Variants in MLLT3 observed in about 807,000 individuals in gnomAD.
MLLT3 encodes the protein MLLT3 super elongation complex subunit.
MLLT3 carries 4 observed loss-of-function variants against 53.2 expected under a neutral mutation model. That is an observed-to-expected ratio of 0.08 (90% CI 0.04 to 0.17). The LOEUF is 0.17. Among genes scored for constraint, MLLT3 ranks in the 10% least tolerant of loss-of-function variants. The pLI is 1.00. For synonymous variants in MLLT3, 283 were observed against 230.6 expected (o/e 1.23, Z -2.06); for missense variants, 569 against 684.0 (o/e 0.83, Z 1.87).
intron 2 of MLLT3, among the ~76,000 whole-genome samples, chr9:20,482,067 A>G (rs1563779555): frequency 6.6e-6 from 1 of 152,166 alleles, no homozygotes; most frequent in African/African-American, 2.4e-5. Context: ...TTATCTCCCA[A>G]TCTAAGAAAG....
intron 5 of MLLT3, among the ~76,000 whole-genome samples, chr9:20,402,834 G>A (rs932849892): frequency 6.6e-6 from 1 of 152,144 alleles, no homozygotes; most frequent in Non-Finnish European, 1.5e-5. Flanking sequence ...AAGCACTGCA[G>A]GTGGAATTCA....
intron 2 of MLLT3, among the ~76,000 whole-genome samples, chr9:20,464,829 C>T (rs1472526088): frequency 6.6e-6 from 1 of 152,078 alleles, no homozygotes; most frequent in Admixed American, 6.6e-5. Flanking sequence ...GCCATTTCTT[C>T]CTTCCTAAAC....
chr9:20,345,830 T>C lies in MLLT3; in HGVS notation c.*613A>G, dbSNP rs1480019728. The C allele has an allele frequency of 4.5e-6, 1 of 224,460 alleles. No individual in the cohort carries two copies. The highest frequency in any genetic ancestry group is 8.9e-6 in the Non-Finnish European group (1 of 112,182). The allele number at this position is 224,460 out of a possible 1,614,324, so 13.9% of individuals were successfully genotyped here. ...CAGTTGATAATCTGTGTCCTGGAACTGGAAAAACAAAAGGTGGAAAATACA... is the reference window on the plus strand; with the variant it reads ...CAGTTGATAATCTGTGTCCTGGAACCGGAAAAACAAAAGGTGGAAAATACA... On this transcript the variant is annotated 3_prime_UTR_variant, in exon 11 of 11. Transcript: ENST00000380338.
At chr9:20,610,362 T>G (rs1461803696) in intron 2 of MLLT3, among the ~76,000 whole-genome samples, 2 of 152,166 alleles carry the variant, frequency 1.3e-5, no homozygotes, top group Non-Finnish European at 2.9e-5. Flanking sequence ...AAAATTCATT[T>G]TTGCCTATTA....
intron 2 of MLLT3, among the ~76,000 whole-genome samples, chr9:20,509,875 T>A (rs535209146): frequency 2.1e-4 from 32 of 152,174 alleles, no homozygotes; most frequent in Admixed American, 3.3e-4. Flanking sequence ...AATTATTATT[T>A]TTTTTTTTTT....
chr9:20,607,365 C>T (rs1196135721), intron 2 of MLLT3, among the ~76,000 whole-genome samples: 1 of 152,058 alleles, frequency 6.6e-6, no homozygotes, highest in Non-Finnish European at 1.5e-5. Flanking sequence ...GTATATTTTC[C>T]TCATTCTTGT....
Position 20,620,859 on chromosome 9 carries a change from G to A in MLLT3, c.13-25C>T, listed in dbSNP as rs757992750. ...ACTGCGGGCAGGGGGAGGAGAGACA[G>A]CCGTGAATAACAGGAAGGCGAGGTT... On this transcript the variant is annotated intron_variant, in intron 1 of 10. Coordinates refer to ENST00000380338, the MANE Select transcript of MLLT3 (RefSeq NM_004529.4). This position sits in a 1 kb window ranked among gnomAD's most constrained non-coding sequence, Gnocchi z 6.1. The A allele has an allele frequency of 9.9e-6, 16 of 1,613,360 alleles. No homozygotes were observed. The South Asian group carries it at 1.3e-4, about 13-fold the overall frequency.
intron 2 of MLLT3, among the ~76,000 whole-genome samples, chr9:20,469,061 A>G (rs947376862): frequency 6.6e-6 from 1 of 152,226 alleles, no homozygotes; most frequent in African/African-American, 2.4e-5. Flanking sequence ...AATATAAAGG[A>G]ATACTAAATA....
At chr9:20,473,827 A>G (rs1369995580) in intron 2 of MLLT3, among the ~76,000 whole-genome samples, 1 of 152,162 alleles carries the variant, frequency 6.6e-6, no homozygotes, top group Non-Finnish European at 1.5e-5. Flanking sequence ...TGGCTCATAT[A>G]CAACAATGAA....
intron 8 of MLLT3, among the ~76,000 whole-genome samples, chr9:20,358,841 G>C (rs1383874184): frequency 1.3e-5 from 2 of 152,068 alleles, no homozygotes; most frequent in African/African-American, 2.4e-5. Context: ...AAATCAAGCT[G>C]AAATATGCCT....
chr9:20,509,752 A>C (rs1825478771), intron 2 of MLLT3, among the ~76,000 whole-genome samples: 1 of 152,230 alleles, frequency 6.6e-6, no homozygotes. Flanking sequence ...ATAGCCTTGA[A>C]AACAGATATT....
chr9:20,495,050 T>A (rs2118928741), intron 2 of MLLT3, among the ~76,000 whole-genome samples: 1 of 152,306 alleles, frequency 6.6e-6, no homozygotes, highest in East Asian at 1.9e-4. Context: ...GAAATTTCTG[T>A]ACTTCATTCC....
At chr9:20,447,029 A>G (rs1045279670) in intron 4 of MLLT3, among the ~76,000 whole-genome samples, 1 of 152,184 alleles carries the variant, frequency 6.6e-6, no homozygotes, top group Non-Finnish European at 1.5e-5. Flanking sequence ...AAAGGACAGC[A>G]GCCTAGCAAA....
intron 2 of MLLT3, among the ~76,000 whole-genome samples, chr9:20,565,351 G>T (rs1024746284): frequency 2.0e-5 from 3 of 152,114 alleles, no homozygotes; most frequent in African/African-American, 7.2e-5. Context: ...ACAGTGAGCT[G>T]TAATGCAACT....
In MLLT3 at chr9:20,541,292, C is replaced by T. The variant is rs529849405; in HGVS notation, c.193+79362G>A. On this transcript the variant is annotated intron_variant, in intron 2 of 10. Coordinates refer to ENST00000380338, the MANE Select transcript of MLLT3 (RefSeq NM_004529.4). ...CTGTTCCAACCTCTGCCTGGTACCC[C>T]GTTCCAAAGTTACTTCCACATTTTC... Among the ~76,000 whole-genome samples, 4 of 152,296 alleles carry T rather than the reference C, an allele frequency of 2.6e-5. No individual in the cohort carries two copies. In the East Asian group the frequency reaches 5.8e-4, roughly 22 times the overall value.
chr9:20,469,046 T>A (rs1232291050), intron 2 of MLLT3, among the ~76,000 whole-genome samples: 2 of 152,148 alleles, frequency 1.3e-5, no homozygotes, highest in African/African-American at 4.8e-5. Context: ...AAACAGGAAA[T>A]ACTAAATATA....
chr9:20,535,505 A>C, intron 2 of MLLT3, among the ~76,000 whole-genome samples: 1 of 152,182 alleles, frequency 6.6e-6, no homozygotes, highest in East Asian at 1.9e-4. Flanking sequence ...ACACAATATA[A>C]CTTTTAATAG....
intron 2 of MLLT3, among the ~76,000 whole-genome samples, chr9:20,592,031 C>G (rs1022318533): frequency 1.6e-4 from 24 of 151,896 alleles, no homozygotes; most frequent in Non-Finnish European, 3.1e-4. Context: ...AATTAGTGAG[C>G]CGCCAACCTA....
intron 4 of MLLT3, among the ~76,000 whole-genome samples, chr9:20,434,752 T>C (rs975857817): frequency 6.6e-6 from 1 of 152,168 alleles, no homozygotes; most frequent in Non-Finnish European, 1.5e-5. Context: ...CTTCTATCTA[T>C]ATCACACACA....
Sources: gnomAD v4.1 joint callset for allele counts (sites outside exome capture counted in the v4.1 genomes callset) on GRCh38, gnomAD v4.1.1 for gene constraint, Gnocchi (gnomAD v3.1) non-coding constraint, MANE v1.5 for transcripts, NCBI Gene and HGNC (gene_info 2026-07-23, HGNC 2026-07-21) for gene names.